The following COL5A2 variants were observed in gnomAD, a reference collection of about 807,000 sequenced individuals.
COL5A2 encodes collagen alpha-2(V) chain.
A neutral mutation model predicts 208.2 loss-of-function variants in COL5A2; 23 were observed. The observed-to-expected ratio is 0.11, with a 90% confidence interval of 0.08 to 0.16. COL5A2 has a LOEUF of 0.16. Among genes scored for constraint, COL5A2 ranks in the 10% least tolerant of loss-of-function variants. The probability of loss-of-function intolerance (pLI) is 1.00; values close to 1 mark genes in which losing one functional copy is unlikely to be tolerated. For missense variants in COL5A2, 1,590 were observed against 1,956.4 expected, an observed-to-expected ratio of 0.81 and a Z score of 3.53; for synonymous variants, 625 against 628.5, an observed-to-expected ratio of 0.99 and a Z score of 0.08.
chr2:189,388,484 T>C, the COL5A2 span, among the ~76,000 whole-genome samples: 3 of 152,226 alleles, frequency 2.0e-5, no homozygotes, highest in East Asian at 5.8e-4. Context: ...GGGATGAGGT[T>C]GGATAAGTGG....
chr2:189,336,775 T>C, the COL5A2 span, among the ~76,000 whole-genome samples: 1 of 152,208 alleles, frequency 6.6e-6, no homozygotes, highest in Non-Finnish European at 1.5e-5. Context: ...GTTTGAGTGG[T>C]GACTGTACAG....
intron 1 of COL5A2, among the ~76,000 whole-genome samples, chr2:189,150,052 T>C (rs1688115028): frequency 6.6e-6 from 1 of 152,174 alleles, no homozygotes; most frequent in Admixed American, 6.5e-5. Context: ...CCTCAGTTGT[T>C]ATGGTTTGCT....
At chr2:189,394,265 AC>A in the COL5A2 span, among the ~76,000 whole-genome samples, 29 of 151,798 alleles carry the variant, frequency 1.9e-4, no homozygotes, top group East Asian at 3.5e-3. Context: ...TGAAAAAAAA[AC>A]ATTAGATTCT....
the COL5A2 span, among the ~76,000 whole-genome samples, chr2:189,344,157 G>A: frequency 1.3e-5 from 2 of 152,082 alleles, no homozygotes; most frequent in Non-Finnish European, 2.9e-5. Context: ...TTTTATCTCA[G>A]AACTCCAGCC....
chr2:189,316,611 G>A, the COL5A2 span, among the ~76,000 whole-genome samples: 1 of 151,974 alleles, frequency 6.6e-6, no homozygotes, highest in African/African-American at 2.4e-5. Context: ...TGGGAGGAGG[G>A]AGAGAATGAG....
intron 1 of COL5A2, among the ~76,000 whole-genome samples, chr2:189,209,896 G>C (rs939160): frequency 0.74 from 112,471 of 152,048 alleles, 44,053 homozygotes; most frequent in Non-Finnish European, 0.87. Flanking sequence ...TGAGTCAGGT[G>C]CTTTAAAAAA....
the COL5A2 span, among the ~76,000 whole-genome samples, chr2:189,254,727 G>A: frequency 4.6e-5 from 7 of 152,142 alleles, no homozygotes; most frequent in Non-Finnish European, 8.8e-5. Flanking sequence ...TGTCACCAGG[G>A]GCCAAAAGAC....
the COL5A2 span, among the ~76,000 whole-genome samples, chr2:189,312,467 G>A: frequency 3.9e-5 from 6 of 152,300 alleles, no homozygotes; most frequent in South Asian, 2.1e-4. Flanking sequence ...GCCGGGCGCC[G>A]TAGCTGGGCA....
At chr2:189,378,455 T>C in the COL5A2 span, among the ~76,000 whole-genome samples, 2 of 152,148 alleles carry the variant, frequency 1.3e-5, no homozygotes, top group Non-Finnish European at 2.9e-5. Context: ...CCGGGCGCGG[T>C]GGCTCACGCC....
At chr2:189,272,860 A>G in the COL5A2 span, among the ~76,000 whole-genome samples, 1 of 152,124 alleles carries the variant, frequency 6.6e-6, no homozygotes, top group South Asian at 2.1e-4. Flanking sequence ...TAACACAGAT[A>G]TTTCAGAAAC....
chr2:189,078,721 C>T, intron 15 of COL5A2, 152 bp from the exon 16 acceptor site: 2 of 776,946 alleles, frequency 2.6e-6, no homozygotes. Flanking sequence ...AAAACTATCC[C>T]CATGTGGAGA....
At chr2:189,368,559 C>T in the COL5A2 span, among the ~76,000 whole-genome samples, 1 of 152,146 alleles carries the variant, frequency 6.6e-6, no homozygotes, top group African/African-American at 2.4e-5. Flanking sequence ...CATGCATTAC[C>T]TAACACTGAA....
At chr2:189,112,871 A>T (rs1687311293) in intron 1 of COL5A2, among the ~76,000 whole-genome samples, 2 of 152,234 alleles carry the variant, frequency 1.3e-5, no homozygotes, top group Admixed American at 1.3e-4. Flanking sequence ...TAATTCCATG[A>T]ATAACATTTC....
At chr2:189,129,173 C>T (rs1276919977) in intron 1 of COL5A2, among the ~76,000 whole-genome samples, 1 of 151,648 alleles carries the variant, frequency 6.6e-6, no homozygotes, top group East Asian at 1.9e-4. Context: ...AAACATTTCA[C>T]ACGGGGAACT....
At chr2:189,239,914 G>T in the COL5A2 span, among the ~76,000 whole-genome samples, 1 of 152,084 alleles carries the variant, frequency 6.6e-6, no homozygotes, top group Non-Finnish European at 1.5e-5. Context: ...CTCATACTTT[G>T]ATTTTAGCCA....
the COL5A2 span, among the ~76,000 whole-genome samples, chr2:189,343,104 T>C: frequency 6.6e-6 from 1 of 152,076 alleles, no homozygotes; most frequent in Admixed American, 6.6e-5. Context: ...GGAGAAAAAC[T>C]ACATATGACT....
chr2:189,380,678 C>T, the COL5A2 span, among the ~76,000 whole-genome samples: 1 of 151,442 alleles, frequency 6.6e-6, no homozygotes, highest in African/African-American at 2.4e-5. Flanking sequence ...CCAAAGAATC[C>T]ACCCATTCAC....
the COL5A2 span, among the ~76,000 whole-genome samples, chr2:189,290,682 GAAGT>G: frequency 1.4e-5 from 2 of 143,362 alleles, no homozygotes; most frequent in East Asian, 4.3e-4. Context: ...ACTGAAGGGA[GAAGT>G]AAGATAGAAA....
intron 51 of COL5A2, among the ~76,000 whole-genome samples, chr2:189,038,019 T>C (rs867495332): frequency 3.2e-4 from 48 of 152,314 alleles, no homozygotes; most frequent in African/African-American, 1.1e-3. Context: ...TCATCTATTA[T>C]AGTACATTTT....
Sources: gnomAD v4.1 joint callset for allele counts (sites outside exome capture counted in the v4.1 genomes callset) on GRCh38, gnomAD v4.1.1 for gene constraint, MANE v1.5 for transcripts, NCBI Gene and HGNC (gene_info 2026-07-23, HGNC 2026-07-21) for gene names.